The following MAPKAP1 variants were observed in gnomAD, a reference collection of about 807,000 sequenced individuals.
MAPKAP1 encodes the protein MAPK associated protein 1, also known as target of rapamycin complex 2 subunit MAPKAP1.
MAPKAP1 carries 20 observed loss-of-function variants against 65.7 expected under a neutral mutation model. The observed-to-expected ratio is 0.30, with a 90% CI of 0.21 to 0.44. MAPKAP1 has a LOEUF of 0.44. Ranked by LOEUF, MAPKAP1 falls within the 20% of genes least tolerant of loss-of-function variation. The probability of loss-of-function intolerance (pLI) is 1.00; values close to 1 mark genes in which losing one functional copy is unlikely to be tolerated. For missense variants in MAPKAP1, 423 were observed against 648.0 expected (o/e 0.65, Z 3.77); for synonymous variants, 222 against 244.3 (o/e 0.91, Z 0.85).
chr9:125,505,984 C>T (rs7044663), intron 8 of MAPKAP1: 149,354 of 330,336 alleles, frequency 0.45, 35,466 homozygotes, highest in African/African-American at 0.65. Flanking sequence ...ACAGGGCCAG[C>T]TGCTTTATAT....
intron 7 of MAPKAP1, among the ~76,000 whole-genome samples, chr9:125,530,230 T>C (rs1388889313): frequency 2.0e-5 from 3 of 152,140 alleles, no homozygotes; most frequent in African/African-American, 4.8e-5. Context: ...GATAAACACA[T>C]CAAATGGCCT....
chr9:125,513,465 G>A (rs1383134707), intron 7 of MAPKAP1, among the ~76,000 whole-genome samples: 2 of 152,154 alleles, frequency 1.3e-5, no homozygotes, highest in East Asian at 1.9e-4. Flanking sequence ...CTAAGTGTGA[G>A]CAGTAAGAGG....
chr9:125,674,680 A>G (rs1350555364), intron 1 of MAPKAP1, among the ~76,000 whole-genome samples: 1 of 152,236 alleles, frequency 6.6e-6, no homozygotes, highest in Admixed American at 6.5e-5. Flanking sequence ...GTCTTAAAAT[A>G]AAGATACTGA....
At chr9:125,600,205 G>A in intron 4 of MAPKAP1, among the ~76,000 whole-genome samples, 1 of 150,692 alleles carries the variant, frequency 6.6e-6, no homozygotes, top group Non-Finnish European at 1.5e-5. Context: ...AAACATGGGG[G>A]GAAGTATGAA....
intron 3 of MAPKAP1, among the ~76,000 whole-genome samples, chr9:125,667,883 A>G (rs1834386758): frequency 2.0e-5 from 3 of 152,156 alleles, no homozygotes; most frequent in African/African-American, 4.8e-5. Context: ...AGTGAATAAG[A>G]TAAGTGATAT....
At chr9:125,675,049 C>A (rs543745020) in intron 1 of MAPKAP1, among the ~76,000 whole-genome samples, 2 of 152,242 alleles carry the variant, frequency 1.3e-5, no homozygotes, top group African/African-American at 4.8e-5. Context: ...AAAATGTATA[C>A]ACCACACATT....
At chr9:125,503,544 CTTAGTCTGCCT>C (rs1446357993) in intron 8 of MAPKAP1, among the ~76,000 whole-genome samples, 1 of 152,154 alleles carries the variant, frequency 6.6e-6, no homozygotes, top group Non-Finnish European at 1.5e-5. Context: ...GTTCAAATTA[CTTAGTCTGCCT>C]TTACTAGAAA....
intron 4 of MAPKAP1, among the ~76,000 whole-genome samples, chr9:125,645,439 A>G (rs1833696388): frequency 6.6e-6 from 1 of 152,214 alleles, no homozygotes; most frequent in African/African-American, 2.4e-5. Context: ...AATTTTACTT[A>G]AAAAGATACC....
chr9:125,571,400 C>T (rs1382004862), intron 5 of MAPKAP1, among the ~76,000 whole-genome samples: 1 of 152,094 alleles, frequency 6.6e-6, no homozygotes, highest in African/African-American at 2.4e-5. Flanking sequence ...TTCTTAAACG[C>T]AGGTTTCTAA....
At chr9:125,687,958 TAATCTAAACCAGCAGATA>T in intron 1 of MAPKAP1, among the ~76,000 whole-genome samples, 1 of 152,288 alleles carries the variant, frequency 6.6e-6, no homozygotes, top group East Asian at 1.9e-4. Context: ...AGCAACAACA[TAATCTAAACCAGCAGATA>T]ATCCTCAAAC....
intron 5 of MAPKAP1, among the ~76,000 whole-genome samples, chr9:125,570,438 G>C (rs1435603973): frequency 3.3e-5 from 5 of 152,228 alleles, no homozygotes; most frequent in Non-Finnish European, 7.3e-5. Flanking sequence ...TGTGGAGTTA[G>C]ACATGCCCCC....
rs568959988 is a variant in MAPKAP1 at position 125,497,630 on chromosome 9, T to C, written c.1066+8680A>G. 3.3e-5 allele frequency among the ~76,000 whole-genome samples: 5 copies of C among 152,364 alleles called. No individual in the cohort carries two copies. The South Asian group carries it at 8.3e-4, about 25-fold the overall frequency. On this transcript the variant is annotated intron_variant, in intron 8 of 11. Transcript: ENST00000265960. Reference sequence around the variant, plus strand: ...AGATTCATTCACCTCCATTTACACATGAAATCAGAGATGACATAATTTGTC... The same window carrying C: ...AGATTCATTCACCTCCATTTACACACGAAATCAGAGATGACATAATTTGTC...
chr9:125,458,861 T>A (rs1853317157), intron 10 of MAPKAP1, among the ~76,000 whole-genome samples: 1 of 36,302 alleles, frequency 2.8e-5, no homozygotes, highest in East Asian at 1.2e-3. Context: ...CCCCCCTACC[T>A]CCCTCCCGGA....
At chr9:125,483,627 T>C (rs933747888) in intron 9 of MAPKAP1, among the ~76,000 whole-genome samples, 2 of 152,210 alleles carry the variant, frequency 1.3e-5, no homozygotes, top group Admixed American at 1.3e-4. Context: ...GGCCATCACA[T>C]GGGAGACCCT....
Position 125,484,510 on chromosome 9 carries a change from G to A in MAPKAP1, c.1140C>T (p.Ser380=), listed in dbSNP as rs151055422. ...TGACTTTGAATGACTTGTAATGGTG[G>A]CTGCTAAGCATATCCTGTACTGTGG... ...DIATVQDMLS[S]HHYKSFKVSM... The change falls in exon 9 of 12, where the codon AGC becomes AGT. Residue 380 remains serine (S), a synonymous_variant. Coordinates refer to ENST00000265960, the MANE Select transcript of MAPKAP1 (RefSeq NM_001006617.3). 83 of 1,613,220 alleles carry A rather than the reference G, an allele frequency of 5.1e-5. No homozygotes were observed. Among genetic ancestry groups the A allele is most frequent in the Non-Finnish European group, 6.4e-5 (76 of 1,179,654 alleles).
At chr9:125,644,712 A>ACTGGTT (rs888403164) in intron 4 of MAPKAP1, among the ~76,000 whole-genome samples, 1 of 152,202 alleles carries the variant, frequency 6.6e-6, no homozygotes, top group African/African-American at 2.4e-5. Context: ...ACTATTGGAA[A>ACTGGTT]CTGGTTCTAT....
chr9:125,489,602 C>T (rs533136228), intron 8 of MAPKAP1, among the ~76,000 whole-genome samples: 2 of 152,042 alleles, frequency 1.3e-5, no homozygotes, highest in South Asian at 4.2e-4. Flanking sequence ...AAGCAGAAAA[C>T]CCAGGAGGAG....
At chr9:125,686,209 G>A (rs1834968655) in intron 1 of MAPKAP1, among the ~76,000 whole-genome samples, 1 of 150,930 alleles carries the variant, frequency 6.6e-6, no homozygotes, top group Non-Finnish European at 1.5e-5. Flanking sequence ...TGTACTCCCA[G>A]GCTGAGGCGG....
At chr9:125,462,944 C>T (rs959002764) in intron 10 of MAPKAP1, among the ~76,000 whole-genome samples, 3 of 152,174 alleles carry the variant, frequency 2.0e-5, no homozygotes, top group Admixed American at 6.5e-5. Flanking sequence ...ATCAAAATGT[C>T]GACTTCCCTG....
Sources: allele counts gnomAD v4.1 joint callset (sites outside exome capture counted in the v4.1 genomes callset), GRCh38; gene constraint gnomAD v4.1.1; transcripts MANE v1.5; gene names NCBI Gene and HGNC (gene_info 2026-07-23, HGNC 2026-07-21).